Variants in MMRN1 observed in about 807,000 individuals in gnomAD.
MMRN1 encodes the protein multimerin 1, also known as multimerin-1.
A neutral mutation model predicts 100.7 loss-of-function variants in MMRN1; 94 were observed. That is an observed-to-expected ratio of 0.93 (90% CI 0.79 to 1.11). The LOEUF is 1.11. Ranked by LOEUF, MMRN1 falls within the 50% of genes least tolerant of loss-of-function variation. The pLI, the probability that MMRN1 is intolerant of heterozygous loss-of-function variation, is 0.00. For synonymous variants in MMRN1, 575 were observed against 505.0 expected (o/e 1.14, Z -1.86); for missense variants, 1,606 against 1,439.1 (o/e 1.12, Z -1.88).
intron 3 of MMRN1, among the ~76,000 whole-genome samples, chr4:89,919,595 G>A (rs535156389): frequency 2.4e-4 from 36 of 151,438 alleles, no homozygotes; most frequent in South Asian, 2.1e-4. Flanking sequence ...TAATTATTTG[G>A]TATTATTTAG....
intron 5 of MMRN1, among the ~76,000 whole-genome samples, chr4:89,932,390 A>T (rs1722469298): frequency 6.6e-6 from 1 of 152,094 alleles, no homozygotes; most frequent in Non-Finnish European, 1.5e-5. Context: ...CTGTCAGTGA[A>T]TCTACCATTC....
intron 5 of MMRN1, among the ~76,000 whole-genome samples, chr4:89,928,531 C>T (rs1161703415): frequency 6.6e-6 from 1 of 152,142 alleles, no homozygotes; most frequent in Non-Finnish European, 1.5e-5. Flanking sequence ...GGCTTAAAAG[C>T]AGGCTATGTT....
intron 6 of MMRN1, 151 bp from the exon 7 acceptor site, chr4:89,951,454 T>C (rs1723171469): frequency 1.5e-6 from 1 of 669,292 alleles, no homozygotes; most frequent in African/African-American, 1.9e-5. Flanking sequence ...TGACGTCCTG[T>C]GCCCAGATCG....
chr4:89,899,268 T>C (rs1025557438), intron 1 of MMRN1, among the ~76,000 whole-genome samples: 2 of 152,088 alleles, frequency 1.3e-5, no homozygotes, highest in African/African-American at 4.8e-5. Context: ...GTTTCCTGTC[T>C]GGCAGAGTGG....
chr4:89,886,752 A>G (rs1052822856), intron 1 of MMRN1, among the ~76,000 whole-genome samples: 7 of 151,920 alleles, frequency 4.6e-5, no homozygotes, highest in Non-Finnish European at 8.8e-5. Context: ...GTACATACTT[A>G]TGGAGTACAT....
Position 89,895,307 on chromosome 4 carries a change from A to C in MMRN1, c.336A>C (p.Leu112Phe), listed in dbSNP as rs144964970. 1.2e-6 allele frequency: 2 copies of C among 1,613,484 alleles called. No homozygotes were observed. The highest frequency in any genetic ancestry group is 3.3e-5 in the Admixed American group (2 of 59,996). ...STEKAEGVVK[L>F]QNLTLPTNAS... is the part of the protein sequence containing the mutation. ...AGAAAGCAGAAGGAGTGGTCAAGTT[A>C]CAGAATCTTACCCTCCCAACCAACG... Residue 112 changes from leucine to phenylalanine, a missense_variant, in exon 1 of 8, where the codon TTA becomes TTC. Transcript: ENST00000264790.
chr4:89,920,533 C>T (rs561041327), intron 3 of MMRN1, among the ~76,000 whole-genome samples: 103 of 152,240 alleles, frequency 6.8e-4, no homozygotes, highest in African/African-American at 2.3e-3. Context: ...CCCCATCCCA[C>T]TTCACTTACT....
chr4:89,910,838 G>C (rs905565156), intron 2 of MMRN1, among the ~76,000 whole-genome samples: 1 of 151,334 alleles, frequency 6.6e-6, no homozygotes, highest in East Asian at 1.9e-4. Context: ...AGCAGAAACT[G>C]AAACGTAAGT....
rs1479211551 is a variant in MMRN1, at chr4:89,895,455, A to G, written c.484A>G (p.Thr162Ala). 6.2e-7 allele frequency: 1 copy of G among 1,613,766 alleles called. No individual in the cohort carries two copies. The highest frequency in any genetic ancestry group is 2.2e-5 in the East Asian group (1 of 44,772). Residue 162 changes from threonine (T) to alanine (A), a missense_variant, in exon 1 of 8, where the codon ACT becomes GCT. Physicochemically the swap from Thr to Ala is moderately conservative, Grantham distance 58 (BLOSUM62 0). Coordinates refer to ENST00000264790, the MANE Select transcript of MMRN1 (RefSeq NM_007351.3). The part of the protein sequence containing the change: ...QATSLNTVGG[T>A]GGIGGVGGTG... The stretch of plus-strand genomic sequence containing the variant: ...AACTTCTCTAAACACAGTTGGAGGC[A>G]CTGGAGGCATTGGAGGCGTTGGAGG...
chr4:89,886,462 A>G (rs1720938913), intron 1 of MMRN1, among the ~76,000 whole-genome samples: 1 of 152,116 alleles, frequency 6.6e-6, no homozygotes, highest in Non-Finnish European at 1.5e-5. Flanking sequence ...TCATGACCCA[A>G]AACATATTCT....
intron 4 of MMRN1, among the ~76,000 whole-genome samples, chr4:89,925,560 G>A (rs1185931990): frequency 1.3e-5 from 2 of 151,190 alleles, no homozygotes; most frequent in South Asian, 4.2e-4. Context: ...GGCTGGGTGT[G>A]GTGGCTCACG....
At chr4:89,886,028 A>G (rs941258157) in intron 1 of MMRN1, among the ~76,000 whole-genome samples, 4 of 149,052 alleles carry the variant, frequency 2.7e-5, no homozygotes, top group African/African-American at 4.9e-5. Context: ...ATTTTTTATT[A>G]GCAACTATGC....
intron 4 of MMRN1, among the ~76,000 whole-genome samples, chr4:89,926,233 C>T (rs1722254419): frequency 6.6e-6 from 1 of 152,200 alleles, no homozygotes; most frequent in Non-Finnish European, 1.5e-5. Flanking sequence ...TACTAACTTA[C>T]ATTCCTACCA....
chr4:89,916,830 C>T (rs1721936825), intron 3 of MMRN1, among the ~76,000 whole-genome samples: 1 of 151,608 alleles, frequency 6.6e-6, no homozygotes, highest in East Asian at 1.9e-4. Context: ...AATGGAATAA[C>T]ATTTTCCAAG....
chr4:89,950,075 C>T (rs917166792), intron 6 of MMRN1, among the ~76,000 whole-genome samples: 1 of 152,186 alleles, frequency 6.6e-6, no homozygotes, highest in African/African-American at 2.4e-5. Context: ...TAACCATATT[C>T]ATAATTTGAA....
intron 4 of MMRN1, 67 bp from the exon 5 acceptor site, chr4:89,927,728 C>T: frequency 7.1e-7 from 1 of 1,416,722 alleles, no homozygotes. Flanking sequence ...TTTCTCCATT[C>T]AGTATGATAC....
intron 1 of MMRN1, among the ~76,000 whole-genome samples, chr4:89,898,518 T>C (rs917594275): frequency 1.3e-5 from 2 of 151,828 alleles, no homozygotes; most frequent in African/African-American, 4.8e-5. Flanking sequence ...CTCGTGAGGC[T>C]TCACAGGCTA....
At chr4:89,940,949 G>T (rs914973024) in intron 6 of MMRN1, among the ~76,000 whole-genome samples, 1 of 151,886 alleles carries the variant, frequency 6.6e-6, no homozygotes, top group Non-Finnish European at 1.5e-5. Flanking sequence ...TTAGCTTATG[G>T]TCATCATGCA....
Position 89,941,972 on chromosome 4 carries a change from C to G in MMRN1, c.3118+5174C>G, listed in dbSNP as rs1367282000. Among the ~76,000 whole-genome samples the G allele has an allele frequency of 2.6e-5, 4 of 152,236 alleles. No individual in the cohort carries two copies. In the East Asian group the frequency reaches 7.7e-4, roughly 29 times the overall value. ...CCTTCATATGGAAGAATGATGACAG[C>G]TAAAGAGCAAATGCTGACAAAATTG... On this transcript the variant is annotated intron_variant, in intron 6 of 7. Coordinates refer to ENST00000264790, the MANE Select transcript of MMRN1 (RefSeq NM_007351.3).
Sources: allele counts gnomAD v4.1 joint callset (sites outside exome capture counted in the v4.1 genomes callset), GRCh38; gene constraint gnomAD v4.1.1; transcripts MANE v1.5; gene names NCBI Gene and HGNC (gene_info 2026-07-23, HGNC 2026-07-21).